Variants in SLC25A48 observed in about 807,000 individuals in gnomAD.
The protein encoded by SLC25A48 is solute carrier family 25 member 48, also known as CTC-321K16.1.
In SLC25A48, 29 loss-of-function variants were observed where a neutral mutation model predicts 32.2. The observed-to-expected ratio is 0.90, with a 90% CI of 0.67 to 1.23. The LOEUF (loss-of-function observed/expected upper bound fraction) is 1.23, where lower values mean the gene tolerates loss of function less well. SLC25A48 is among the 50% of genes most tolerant of loss of function. SLC25A48 has a pLI of 0.00. For missense variants in SLC25A48, 399 were observed against 422.7 expected, an observed-to-expected ratio of 0.94 and a Z score of 0.49; for synonymous variants, 164 against 172.3, an observed-to-expected ratio of 0.95 and a Z score of 0.38.
intron 3 of SLC25A48, among the ~76,000 whole-genome samples, chr5:135,694,036 C>T (rs1448826019): frequency 1.3e-5 from 2 of 152,090 alleles, no homozygotes; most frequent in Admixed American, 1.3e-4. Context: ...GCCTGGTGAG[C>T]TCTAGGCGCT....
At chr5:135,769,262 G>T (rs970792668) in intron 3 of SLC25A48, among the ~76,000 whole-genome samples, 3 of 140,056 alleles carry the variant, frequency 2.1e-5, no homozygotes, top group African/African-American at 8.1e-5. Flanking sequence ...GCAATATTGG[G>T]GGGGGAGAAT....
intron 2 of SLC25A48, among the ~76,000 whole-genome samples, chr5:135,634,110 C>T (rs934686425): frequency 6.6e-6 from 1 of 152,158 alleles, no homozygotes. Context: ...CCTATTTGCT[C>T]TCCAAAAACA....
intron 3 of SLC25A48, among the ~76,000 whole-genome samples, chr5:135,754,703 T>C (rs1755852495): frequency 6.6e-6 from 1 of 152,036 alleles, no homozygotes; most frequent in Non-Finnish European, 1.5e-5. Context: ...ATATTTATAA[T>C]ATTCATTGTT....
Position 135,662,089 on chromosome 5 carries a change from G to C in SLC25A48, c.-521+27133G>C, listed in dbSNP as rs191463911. 3.1e-3 allele frequency among the ~76,000 whole-genome samples: 466 copies of C among 152,252 alleles called. 5 individuals are homozygous for C. The highest frequency in any genetic ancestry group is 4.9e-3 in the Non-Finnish European group (335 of 68,002). On this transcript the variant is annotated intron_variant, in intron 3 of 10. Transcript: ENST00000646290. ...AAATCCCTTCCACACACCCACCCCT[G>C]CTGTGGCAAGCTATGAACAAGCTGT...
rs1160949796 is a variant in SLC25A48 at position 135,609,453 on chromosome 5, A to G, written c.-848-19784A>G. On this transcript the variant is annotated intron_variant, in intron 1 of 10. Transcript: ENST00000646290. The stretch of plus-strand genomic sequence containing the variant: ...CCACTTTAAATAGTATGAAGAAAAC[A>G]TACAAGTTCTGAGATACATACAGGT... 2.6e-5 allele frequency: 4 copies of G among 152,348 alleles called. No individual in the cohort carries two copies. In the South Asian group the frequency reaches 8.3e-4, roughly 32 times the overall value. 9.4% of individuals were successfully genotyped at this position (152,348 alleles called of 1,614,324 possible).
rs1561498498 is a variant in SLC25A48 at position 135,798,666 on chromosome 5, G to A, written c.-520-13857G>A. Among the ~76,000 whole-genome samples the A allele has an allele frequency of 3.3e-5, 5 of 151,348 alleles. No individual in the cohort carries two copies. In the South Asian group the frequency reaches 1.0e-3, roughly 31 times the overall value. On this transcript the variant is annotated intron_variant, in intron 3 of 10. Coordinates refer to the SLC25A48 transcript ENST00000646290. Reference sequence around the variant, plus strand: ...GATTTCCTAATATCAGAAGGTGAGAGGATAATATTACTCCCTAAATCGCAG... The same window carrying A: ...GATTTCCTAATATCAGAAGGTGAGAAGATAATATTACTCCCTAAATCGCAG...
intron 1 of SLC25A48, among the ~76,000 whole-genome samples, chr5:135,597,610 A>G (rs534187334): frequency 4.6e-5 from 7 of 152,344 alleles, no homozygotes; most frequent in African/African-American, 1.4e-4. Flanking sequence ...TCTACTTCTC[A>G]AATCTGGTGT....
intron 3 of SLC25A48, among the ~76,000 whole-genome samples, chr5:135,765,413 G>A (rs1756186827): frequency 6.6e-6 from 1 of 151,390 alleles, no homozygotes; most frequent in Non-Finnish European, 1.5e-5. Context: ...TTGTGATATG[G>A]TTTGTAATAT....
intron 3 of SLC25A48, among the ~76,000 whole-genome samples, chr5:135,732,181 A>G (rs1014273609): frequency 9.9e-5 from 15 of 152,254 alleles, no homozygotes; most frequent in Non-Finnish European, 1.8e-4. Flanking sequence ...TTAAAAGACC[A>G]TTAGTCCATT....
At chr5:135,885,108 AC>A (rs1165016930) in intron 7 of SLC25A48, among the ~76,000 whole-genome samples, 2 of 152,080 alleles carry the variant, frequency 1.3e-5, no homozygotes, top group African/African-American at 4.8e-5. Context: ...TGGCTATTTT[AC>A]GGTGTAAAAA....
chr5:135,796,328 C>G (rs1198534185), intron 3 of SLC25A48, among the ~76,000 whole-genome samples: 2 of 151,464 alleles, frequency 1.3e-5, no homozygotes, highest in Non-Finnish European at 3.0e-5. Context: ...GGGGGGTGTG[C>G]ACCCCCCTGT....
intron 3 of SLC25A48, among the ~76,000 whole-genome samples, chr5:135,778,038 T>TAA (rs113771557): frequency 0.3 from 45,832 of 151,292 alleles, 7,079 homozygotes; most frequent in East Asian, 0.46. Context: ...GAGGCTGATA[T>TAA]GTCTCAATAT....
chr5:135,775,530 C>T (rs1008426595), intron 3 of SLC25A48, among the ~76,000 whole-genome samples: 4 of 151,506 alleles, frequency 2.6e-5, no homozygotes, highest in Admixed American at 1.3e-4. Context: ...CTCCAAATAT[C>T]GCAGGGGCTG....
chr5:135,776,327 C>T lies in SLC25A48; in HGVS notation c.-520-36196C>T, dbSNP rs1300869027. Among the ~76,000 whole-genome samples the T allele has an allele frequency of 2.0e-5, 3 of 151,152 alleles. 1 individual carries two copies. Among genetic ancestry groups the T allele is most frequent in the Non-Finnish European group, 4.4e-5 (3 of 67,762 alleles). The stretch of plus-strand genomic sequence containing the variant: ...ATTATCACACGGGGTATACACCTCA[C>T]CTGTGATATTGTTTTTAATATAAAG... On this transcript the variant is annotated intron_variant, in intron 3 of 10. Coordinates refer to the SLC25A48 transcript ENST00000646290.
chr5:135,669,548 C>T (rs180795880), intron 3 of SLC25A48, among the ~76,000 whole-genome samples: 26 of 152,280 alleles, frequency 1.7e-4, no homozygotes, highest in African/African-American at 5.1e-4. Flanking sequence ...ACATAGACCA[C>T]GGCTCAGAGT....
intron 3 of SLC25A48, among the ~76,000 whole-genome samples, chr5:135,688,683 T>G (rs1323181192): frequency 6.6e-6 from 1 of 152,222 alleles, no homozygotes; most frequent in African/African-American, 2.4e-5. Flanking sequence ...GCAATGGGAT[T>G]CAGTGGAAAA....
At chr5:135,867,489 C>G (rs2126791623) in intron 4 of SLC25A48, among the ~76,000 whole-genome samples, 1 of 152,278 alleles carries the variant, frequency 6.6e-6, no homozygotes, top group East Asian at 1.9e-4. Flanking sequence ...AGGCTATCTG[C>G]TGAGGCTCCT....
At position 135,709,604 on chromosome 5, in the gene SLC25A48, C is replaced by T. The variant is rs530649518; in HGVS notation, c.-521+74648C>T. On this transcript the variant is annotated intron_variant, in intron 3 of 10. Transcript: ENST00000646290. ...GGACCACATCCCAGAGGCACTGCTACGACAAGAAGCACAGCATGGTGTCTA... is the reference window on the plus strand; with the variant it reads ...GGACCACATCCCAGAGGCACTGCTATGACAAGAAGCACAGCATGGTGTCTA... Among the ~76,000 whole-genome samples the T allele has an allele frequency of 4.6e-5, 7 of 152,306 alleles. No homozygotes were observed. In the East Asian group the frequency reaches 5.8e-4, roughly 13 times the overall value.
chr5:135,865,171 A>G (rs1354273216), intron 4 of SLC25A48, among the ~76,000 whole-genome samples: 1 of 152,190 alleles, frequency 6.6e-6, no homozygotes, highest in Non-Finnish European at 1.5e-5. Flanking sequence ...GTGAGATTGA[A>G]TCTCTTGCAT....
Sources: allele counts gnomAD v4.1 joint callset (sites outside exome capture counted in the v4.1 genomes callset), GRCh38; gene constraint gnomAD v4.1.1; transcripts MANE v1.5; gene names NCBI Gene and HGNC (gene_info 2026-07-23, HGNC 2026-07-21).